Variants in SLC35F4 observed in about 807,000 individuals in gnomAD.
The protein encoded by SLC35F4 is chromosome 14 open reading frame 36.
A neutral mutation model predicts 44.2 loss-of-function variants in SLC35F4; 24 were observed. That is an observed-to-expected ratio of 0.54 (90% CI 0.39 to 0.76). SLC35F4 has a LOEUF of 0.76. Among genes scored for constraint, SLC35F4 ranks in the 30% least tolerant of loss-of-function variants. The probability of loss-of-function intolerance (pLI) is 0.00; values close to 1 mark genes in which losing one functional copy is unlikely to be tolerated. For synonymous variants in SLC35F4, 238 were observed against 223.6 expected (o/e 1.06, Z -0.57); for missense variants, 562 against 586.1 (o/e 0.96, Z 0.42).
At chr14:57,657,290 G>A (rs2073999510) in intron 1 of SLC35F4, among the ~76,000 whole-genome samples, 1 of 152,138 alleles carries the variant, frequency 6.6e-6, no homozygotes, top group Non-Finnish European at 1.5e-5. Flanking sequence ...CTTTAATCTT[G>A]TTTAGGATGC....
chr14:57,763,801 G>C (rs1475004), intron 1 of SLC35F4, among the ~76,000 whole-genome samples: 1 of 151,840 alleles, frequency 6.6e-6, no homozygotes, highest in Admixed American at 6.6e-5. Context: ...ATTTCTCATC[G>C]CATTTACTGC....
intron 1 of SLC35F4, among the ~76,000 whole-genome samples, chr14:57,648,146 G>A (rs1054016246): frequency 6.6e-6 from 1 of 152,112 alleles, no homozygotes; most frequent in African/African-American, 2.4e-5. Context: ...TACCTCAGGT[G>A]TCAAAATCTT....
At chr14:57,839,669 G>C (rs1393723841) in intron 1 of SLC35F4, among the ~76,000 whole-genome samples, 1 of 152,052 alleles carries the variant, frequency 6.6e-6, no homozygotes, top group Admixed American at 6.6e-5. Context: ...CCTAGGTGAT[G>C]GGTGGATCGG....
At chr14:57,602,485 G>T (rs2070887768) in intron 1 of SLC35F4, 1 of 152,150 alleles carries the variant, frequency 6.6e-6, no homozygotes, top group Admixed American at 6.5e-5. Context: ...GTCTCCTTTT[G>T]AAATTTGTAT....
At chr14:57,832,210 T>C (rs1221091197) in intron 1 of SLC35F4, among the ~76,000 whole-genome samples, 1 of 142,980 alleles carries the variant, frequency 7.0e-6, no homozygotes, top group African/African-American at 2.5e-5. Flanking sequence ...CCACATCACT[T>C]GACGTTGCCT....
intron 2 of SLC35F4, among the ~76,000 whole-genome samples, chr14:57,591,593 G>T (rs887665025): frequency 2.6e-5 from 4 of 152,226 alleles, no homozygotes; most frequent in African/African-American, 9.6e-5. Context: ...GTTAAGGGTT[G>T]TCCAAGATTG....
intron 1 of SLC35F4, among the ~76,000 whole-genome samples, chr14:57,805,768 C>T (rs764863042): frequency 7.2e-5 from 11 of 152,196 alleles, no homozygotes; most frequent in South Asian, 6.2e-4. Flanking sequence ...CACATGTACC[C>T]CTGAACTTGA....
intron 1 of SLC35F4, among the ~76,000 whole-genome samples, chr14:57,619,306 G>A (rs942263738): frequency 1.3e-5 from 2 of 152,182 alleles, no homozygotes; most frequent in African/African-American, 4.8e-5. Context: ...GCTGGCATCT[G>A]GCGGGTGCCC....
intron 1 of SLC35F4, among the ~76,000 whole-genome samples, chr14:57,739,679 G>A (rs986184585): frequency 6.6e-6 from 1 of 152,184 alleles, no homozygotes; most frequent in Non-Finnish European, 1.5e-5. Flanking sequence ...AGACAGTGTG[G>A]GCTTTCAGTC....
At chr14:57,593,880 C>G (rs238377) in intron 2 of SLC35F4, 59 bp downstream of exon 2, 629,846 of 1,560,042 alleles carry the variant, frequency 0.4, 130,555 homozygotes, top group Admixed American at 0.53. Flanking sequence ...ATGGCGAGAT[C>G]TTTCTATTTA....
At chr14:57,858,269 C>T (rs372892355) in intron 1 of SLC35F4, among the ~76,000 whole-genome samples, 5 of 151,994 alleles carry the variant, frequency 3.3e-5, no homozygotes, top group South Asian at 4.2e-4. Context: ...AGCAAAGACT[C>T]GGAACCAACC....
chr14:57,735,730 T>G (rs1238644530), intron 1 of SLC35F4, among the ~76,000 whole-genome samples: 7 of 149,898 alleles, frequency 4.7e-5, no homozygotes, highest in South Asian at 2.1e-4. Context: ...CTTTTGTTTT[T>G]TTTTTTTTTA....
At chr14:57,614,666 A>G in intron 1 of SLC35F4, among the ~76,000 whole-genome samples, 1 of 152,206 alleles carries the variant, frequency 6.6e-6, no homozygotes. Flanking sequence ...ACTGTTTTTA[A>G]TGAAGGGCCC....
At chr14:57,669,258 C>A (rs10431698) in intron 1 of SLC35F4, among the ~76,000 whole-genome samples, 150,025 of 150,694 alleles carry the variant, frequency 1, 74,702 homozygotes, top group Middle Eastern at 1. Context: ...TCTAGATATA[C>A]AATCATGTCA....
Position 57,571,945 on chromosome 14 carries a change from G to A in SLC35F4, c.882C>T (p.Ile294=), listed in dbSNP as rs775397109. ...AGCCCACCGCAAATGCCACTCCTATGATGGAATCAGCGTGGAAATTATCTG... is the reference window on the plus strand; with the variant it reads ...AGCCCACCGCAAATGCCACTCCTATAATGGAATCAGCGTGGAAATTATCTG... ...AYADNFHADS[I]IGVAFAVGSA... The change falls in exon 5 of 8, where the codon ATC becomes ATT. Residue 294 remains isoleucine, a synonymous_variant. Coordinates refer to ENST00000556826, the MANE Select transcript of SLC35F4 (RefSeq NM_001306087.2). 6.2e-7 allele frequency: 1 copy of A among 1,612,614 alleles called. No individual in the cohort carries two copies. Among genetic ancestry groups the A allele is most frequent in the Non-Finnish European group, 8.5e-7 (1 of 1,179,268 alleles).
chr14:57,657,368 C>T (rs2074001342), intron 1 of SLC35F4, among the ~76,000 whole-genome samples: 1 of 152,210 alleles, frequency 6.6e-6, no homozygotes. Context: ...TTAAGCTTTA[C>T]ATTGGAACTG....
At chr14:57,672,557 G>A (rs1241288629) in intron 1 of SLC35F4, among the ~76,000 whole-genome samples, 1 of 152,058 alleles carries the variant, frequency 6.6e-6, no homozygotes, top group Non-Finnish European at 1.5e-5. Flanking sequence ...CATCAGGTCA[G>A]TATTAATACT....
intron 1 of SLC35F4, among the ~76,000 whole-genome samples, chr14:57,827,712 C>A (rs2140927626): frequency 6.7e-6 from 1 of 148,784 alleles, no homozygotes; most frequent in Non-Finnish European, 1.5e-5. Flanking sequence ...CAGTGAGGCA[C>A]AATAGAAGCC....
chr14:57,800,225 C>T (rs1202384581), intron 1 of SLC35F4, among the ~76,000 whole-genome samples: 1 of 151,844 alleles, frequency 6.6e-6, no homozygotes, highest in Non-Finnish European at 1.5e-5. Flanking sequence ...GAAACCAAGG[C>T]CGCTGGGGTC....
Sources: allele counts gnomAD v4.1 joint callset (sites outside exome capture counted in the v4.1 genomes callset), GRCh38; gene constraint gnomAD v4.1.1; transcripts MANE v1.5; gene names NCBI Gene and HGNC (gene_info 2026-07-23, HGNC 2026-07-21).